Variants in AUTS2 observed in about 807,000 individuals in gnomAD.
AUTS2 encodes the protein autism susceptibility gene 2 protein.
Under a neutral mutation model 112.4 loss-of-function variants are expected in AUTS2, and 17 were observed. That is an observed-to-expected ratio of 0.15 (90% CI 0.10 to 0.23). The LOEUF (loss-of-function observed/expected upper bound fraction) is 0.23, where lower values mean the gene tolerates loss of function less well. AUTS2 is among the 10% of genes least tolerant of loss of function. The pLI, the probability that AUTS2 is intolerant of heterozygous loss-of-function variation, is 1.00. For synonymous variants in AUTS2, 751 were observed against 702.7 expected (o/e 1.07, Z -1.09); for missense variants, 1,510 against 1,701.6 (o/e 0.89, Z 1.98).
rs1805753460 is a variant in AUTS2 at position 70,640,416 on chromosome 7, A to C, written c.691-58153A>C. On this transcript the variant is annotated intron_variant, in intron 5 of 18. Transcript: ENST00000342771. The stretch of plus-strand genomic sequence containing the variant: ...ACCAACCTCTGAAAAATAAACTCAC[A>C]GGGGGAAAAAAAAAAAAAAAAAAAA... Among the ~76,000 whole-genome samples, 3 of 59,048 alleles carry C rather than the reference A, an allele frequency of 5.1e-5. No homozygotes were observed. The South Asian group carries it at 3.0e-3, about 59-fold the overall frequency. 38.7% of individuals were successfully genotyped at this position (59,048 alleles called of 152,430 possible).
chr7:70,171,634 G>A (rs1029627198), intron 4 of AUTS2, among the ~76,000 whole-genome samples: 1 of 152,186 alleles, frequency 6.6e-6, no homozygotes, highest in Non-Finnish European at 1.5e-5. Flanking sequence ...ACGGGCTTTA[G>A]TCAAATTTGG....
intron 6 of AUTS2, among the ~76,000 whole-genome samples, chr7:70,722,807 C>T (rs925449817): frequency 5.9e-5 from 9 of 152,132 alleles, no homozygotes; most frequent in African/African-American, 2.2e-4. Flanking sequence ...GTATTGTGTT[C>T]ATGTATTTCA....
At chr7:70,219,616 G>A (rs1489693020) in intron 4 of AUTS2, among the ~76,000 whole-genome samples, 2 of 149,154 alleles carry the variant, frequency 1.3e-5, no homozygotes, top group African/African-American at 5.0e-5. Flanking sequence ...CTGTTGCCTA[G>A]GCTGGAGTGC....
chr7:69,980,076 C>T (rs1314823332), intron 2 of AUTS2, among the ~76,000 whole-genome samples: 4 of 152,080 alleles, frequency 2.6e-5, no homozygotes, highest in Non-Finnish European at 5.9e-5. Context: ...CCCCACTTCA[C>T]CCCCTCATCT....
At chr7:69,611,282 G>A (rs1246044007) in intron 1 of AUTS2, among the ~76,000 whole-genome samples, 1 of 152,170 alleles carries the variant, frequency 6.6e-6, no homozygotes. Flanking sequence ...GAGCCTAGGA[G>A]GATATGTGGT....
intron 1 of AUTS2, among the ~76,000 whole-genome samples, chr7:69,734,522 A>T (rs1285621043): frequency 6.6e-6 from 1 of 151,784 alleles, no homozygotes; most frequent in Non-Finnish European, 1.5e-5. Context: ...GATAGTATGA[A>T]ACCTATTGGA....
At chr7:70,323,845 G>A (rs1271541404) in intron 4 of AUTS2, among the ~76,000 whole-genome samples, 1 of 152,148 alleles carries the variant, frequency 6.6e-6, no homozygotes, top group Admixed American at 6.5e-5. Flanking sequence ...AATTGAACAT[G>A]TCCTATTGAC....
chr7:70,059,027 C>T (rs1052337906), intron 2 of AUTS2, among the ~76,000 whole-genome samples: 1 of 152,148 alleles, frequency 6.6e-6, no homozygotes, highest in Admixed American at 6.5e-5. Context: ...AACATAATCA[C>T]CCATCTTACA....
chr7:70,481,892 C>G (rs1797802587), intron 5 of AUTS2, among the ~76,000 whole-genome samples: 1 of 151,984 alleles, frequency 6.6e-6, no homozygotes, highest in Admixed American at 6.5e-5. Flanking sequence ...TGACAAAACA[C>G]AAAAAAGTGC....
At chr7:69,653,024 T>C (rs1045672289) in intron 1 of AUTS2, among the ~76,000 whole-genome samples, 1 of 152,190 alleles carries the variant, frequency 6.6e-6, no homozygotes, top group African/African-American at 2.4e-5. Context: ...TTGGTTTGGT[T>C]CACAAACTAA....
rs1287984714 is a variant in AUTS2, at chr7:70,100,415, A to G, written c.523-17717A>G. Reference sequence around the variant, plus strand: ...ACAAAGTCTGTGGAAGTAGAAAGCTATAACGGTTGTACCATTTTTTTTTTT... The same window carrying G: ...ACAAAGTCTGTGGAAGTAGAAAGCTGTAACGGTTGTACCATTTTTTTTTTT... On this transcript the variant is annotated intron_variant, in intron 2 of 18. Coordinates refer to ENST00000342771, the MANE Select transcript of AUTS2 (RefSeq NM_015570.4). 5.9e-5 allele frequency among the ~76,000 whole-genome samples: 9 copies of G among 151,828 alleles called. No homozygotes were observed. The South Asian group carries it at 1.5e-3, about 25-fold the overall frequency.
At chr7:70,434,298 G>C (rs576600017) in intron 4 of AUTS2, among the ~76,000 whole-genome samples, 1 of 152,252 alleles carries the variant, frequency 6.6e-6, no homozygotes, top group Non-Finnish European at 1.5e-5. Flanking sequence ...GAAAATACCT[G>C]GCATTTTTAA....
intron 4 of AUTS2, among the ~76,000 whole-genome samples, chr7:70,320,046 C>G (rs1331045802): frequency 6.6e-6 from 1 of 152,190 alleles, no homozygotes; most frequent in Non-Finnish European, 1.5e-5. Context: ...AATTATTCAA[C>G]CTCTACATTG....
intron 6 of AUTS2, among the ~76,000 whole-genome samples, chr7:70,711,782 C>T (rs1458572951): frequency 3.9e-5 from 6 of 152,280 alleles, no homozygotes; most frequent in East Asian, 3.9e-4. Flanking sequence ...GCGGGAGCCA[C>T]GCAGGAGGCT....
intron 2 of AUTS2, among the ~76,000 whole-genome samples, chr7:69,932,174 T>C (rs1337466909): frequency 2.0e-5 from 3 of 152,242 alleles, no homozygotes; most frequent in Admixed American, 6.5e-5. Context: ...CATCCAGTTC[T>C]ATAAAGACAT....
intron 5 of AUTS2, among the ~76,000 whole-genome samples, chr7:70,510,720 C>T (rs1230741612): frequency 6.6e-6 from 1 of 151,994 alleles, no homozygotes; most frequent in Non-Finnish European, 1.5e-5. Context: ...GTAAAACTCA[C>T]TAATTTTTTT....
At chr7:69,964,737 C>T (rs1229512540) in intron 2 of AUTS2, among the ~76,000 whole-genome samples, 1 of 151,938 alleles carries the variant, frequency 6.6e-6, no homozygotes, top group Admixed American at 6.6e-5. Context: ...GGATTGACAT[C>T]TCTACTCTTT....
intron 1 of AUTS2, among the ~76,000 whole-genome samples, chr7:69,805,059 T>G (rs371017370): frequency 6.6e-6 from 1 of 152,204 alleles, no homozygotes; most frequent in Non-Finnish European, 1.5e-5. Context: ...AAACTCTTAT[T>G]TGGTGCAGTT....
At position 70,402,905 on chromosome 7, in the gene AUTS2, G is replaced by T. The variant is rs928756496; in HGVS notation, c.661-32847G>T. On this transcript the variant is annotated intron_variant, in intron 4 of 18. Coordinates refer to ENST00000342771, the MANE Select transcript of AUTS2 (RefSeq NM_015570.4). Reference sequence around the variant, plus strand: ...GTCTGAACACTCATGTACTCCCCTGGATGCACGCAAAGAGACACTGCTGTT... The same window carrying T: ...GTCTGAACACTCATGTACTCCCCTGTATGCACGCAAAGAGACACTGCTGTT... 2.0e-5 allele frequency among the ~76,000 whole-genome samples: 3 copies of T among 152,164 alleles called. No homozygotes were observed. The East Asian group carries it at 5.8e-4, about 29-fold the overall frequency.
Sources: allele counts gnomAD v4.1 joint callset (sites outside exome capture counted in the v4.1 genomes callset), GRCh38; gene constraint gnomAD v4.1.1; transcripts MANE v1.5; gene names NCBI Gene and HGNC (gene_info 2026-07-23, HGNC 2026-07-21).